NR3C1: variants seen among roughly 807,000 people sequenced by gnomAD.
NR3C1 encodes the protein glucocorticoid receptor.
In NR3C1, 14 loss-of-function variants were observed where a neutral mutation model predicts 74.0. The ratio of observed to expected loss-of-function variants is 0.19; its 90% CI spans 0.12 to 0.30. The LOEUF is 0.30. Among genes scored for constraint, NR3C1 ranks in the 10% least tolerant of loss-of-function variants. NR3C1 has a pLI of 1.00. For missense variants in NR3C1, 695 were observed against 909.8 expected, an observed-to-expected ratio of 0.76 and a Z score of 3.04; for synonymous variants, 308 against 332.5, an observed-to-expected ratio of 0.93 and a Z score of 0.80.
chr5:143,400,121 T>C lies in NR3C1; in HGVS notation c.719A>G (p.Asn240Ser), dbSNP rs1194008138. 1.2e-6 allele frequency: 2 copies of C among 1,614,192 alleles called. No homozygotes were observed. The highest frequency in any genetic ancestry group is 1.3e-5 in the African/African-American group (1 of 75,050). ...GEDDSFLLEG[N>S]SNEDCKPLIL... ...GAGAGGCTTGCAGTCCTCATTCGAG[T>C]TTCCTTCCAAAAGGAATGAATCGTC... is the stretch of plus-strand genomic sequence containing the variant. Residue 240 changes from asparagine to serine, a missense_variant, in exon 2 of 9, where the codon AAC (asparagine) becomes AGC (serine). Physicochemically the swap from Asn to Ser is conservative, Grantham distance 46. This residue lies in a region of NR3C1 where 497 missense variants were observed against 489.5 expected (regional missense o/e 1.02). Coordinates refer to ENST00000394464, the MANE Select transcript of NR3C1 (RefSeq NM_000176.3).
intron 4 of NR3C1, among the ~76,000 whole-genome samples, chr5:143,306,121 G>T (rs1819545619): frequency 6.6e-6 from 1 of 152,002 alleles, no homozygotes; most frequent in South Asian, 2.1e-4. Context: ...AAACATTTAG[G>T]ATCACCATTA....
chr5:143,424,296 G>T (rs1176612016), intron 1 of NR3C1, among the ~76,000 whole-genome samples: 1 of 152,092 alleles, frequency 6.6e-6, no homozygotes, highest in Admixed American at 6.6e-5. Context: ...AAGATCTAGT[G>T]TTCAGTAGAC....
At chr5:143,406,447 C>G (rs1841116746), upstream of NR3C1, among the ~76,000 whole-genome samples, 1 of 150,822 alleles carries the variant, frequency 6.6e-6, no homozygotes, top group Non-Finnish European at 1.5e-5. Context: ...CTCTCTTCAG[C>G]AATCTAAATG....
chr5:143,384,604 G>A (rs1364668763), intron 2 of NR3C1, among the ~76,000 whole-genome samples: 1 of 152,166 alleles, frequency 6.6e-6, no homozygotes, highest in Non-Finnish European at 1.5e-5. Flanking sequence ...AAACCTGCAG[G>A]ACAGTCATTA....
intron 3 of NR3C1, among the ~76,000 whole-genome samples, chr5:143,311,683 G>GTAC (rs1820966010): frequency 6.6e-6 from 1 of 151,312 alleles, no homozygotes; most frequent in African/African-American, 2.4e-5. Flanking sequence ...TTCTTGCTAC[G>GTAC]TTGCCTAGGC....
chr5:143,306,686 T>C (rs928952794), intron 4 of NR3C1, among the ~76,000 whole-genome samples: 1 of 152,082 alleles, frequency 6.6e-6, no homozygotes, highest in African/African-American at 2.4e-5. Context: ...CATGGCCCTA[T>C]TCAAAGGTGT....
chr5:143,290,178 G>A (rs1434731142), intron 7 of NR3C1, among the ~76,000 whole-genome samples: 1 of 152,176 alleles, frequency 6.6e-6, no homozygotes, highest in African/African-American at 2.4e-5. Context: ...ATTTTGCTTG[G>A]TAATAATGTA....
At chr5:143,365,220 A>T (rs1832974086) in intron 2 of NR3C1, among the ~76,000 whole-genome samples, 1 of 152,238 alleles carries the variant, frequency 6.6e-6, no homozygotes, top group Admixed American at 6.5e-5. Context: ...CCTCATCAAT[A>T]ATTACATTAA....
chr5:143,312,529 A>C (rs1221843259), intron 3 of NR3C1, among the ~76,000 whole-genome samples: 1 of 152,144 alleles, frequency 6.6e-6, no homozygotes, highest in South Asian at 2.1e-4. Flanking sequence ...AAAGTGCAAC[A>C]ACTTGCTGAT....
intron 2 of NR3C1, among the ~76,000 whole-genome samples, chr5:143,374,407 C>T (rs984805703): frequency 1.8e-4 from 28 of 151,712 alleles, no homozygotes; most frequent in African/African-American, 6.0e-4. Context: ...AGGAGAATGG[C>T]GTGAACCAGG....
chr5:143,284,839 T>G (rs1305406310), intron 7 of NR3C1, among the ~76,000 whole-genome samples: 1 of 152,122 alleles, frequency 6.6e-6, no homozygotes, highest in Non-Finnish European at 1.5e-5. Flanking sequence ...TCTAAACCTT[T>G]GTGCTTGAAA....
At chr5:143,293,735 A>AT in intron 7 of NR3C1, 1 of 371,356 alleles carries the variant, frequency 2.7e-6, no homozygotes, top group Non-Finnish European at 3.7e-6. Context: ...GTAGAAGTCT[A>AT]TATCTTAAGG....
intron 1 of NR3C1, among the ~76,000 whole-genome samples, chr5:143,420,642 T>C (rs546203805): frequency 1.3e-5 from 2 of 152,150 alleles, no homozygotes; most frequent in African/African-American, 2.4e-5. Context: ...GAGAATCTTA[T>C]TGGCATCTAG....
chr5:143,312,495 C>T (rs1468826227), intron 3 of NR3C1, among the ~76,000 whole-genome samples: 1 of 151,962 alleles, frequency 6.6e-6, no homozygotes, highest in Non-Finnish European at 1.5e-5. Flanking sequence ...AAAGCCCACC[C>T]CTGCCTAGTG....
chr5:143,400,540 A>T lies in NR3C1; in HGVS notation c.300T>A (p.Asn100Lys). The T allele has an allele frequency of 6.2e-7, 1 of 1,614,176 alleles. No individual in the cohort carries two copies. The highest frequency in any genetic ancestry group is 8.5e-7 in the Non-Finnish European group (1 of 1,180,028). ...MGETETKVMG[N>K]DLGFPQQGQI... ...GGCCCTGCTGTGGGAATCCCAGGTC[A>T]TTTCCCATCACTTTTGTTTCTGTCT... Residue 100 changes from asparagine to lysine, a missense_variant, in exon 2 of 9, where the codon AAT becomes AAA. Physicochemically the swap from Asn to Lys is moderately conservative, Grantham distance 94. This residue lies in a region of NR3C1 where 497 missense variants were observed against 489.5 expected (regional missense o/e 1.02). Transcript: ENST00000394464.
intron 4 of NR3C1, among the ~76,000 whole-genome samples, chr5:143,309,330 C>G (rs1054625346): frequency 2.0e-5 from 3 of 152,130 alleles, no homozygotes; most frequent in African/African-American, 7.2e-5. Context: ...CTTGGTCTCC[C>G]AAAGTGCGGG....
chr5:143,388,624 G>A lies in NR3C1; in HGVS notation c.1184+11032C>T, dbSNP rs560324848. ...GAAAGATTCTACTATTTCAGATAGAGCAGTCAGAGATCTCTTTTACAGAGC... is the reference window on the plus strand; with the variant it reads ...GAAAGATTCTACTATTTCAGATAGAACAGTCAGAGATCTCTTTTACAGAGC... On this transcript the variant is annotated intron_variant, in intron 2 of 8. Coordinates refer to ENST00000394464, the MANE Select transcript of NR3C1 (RefSeq NM_000176.3). Among the ~76,000 whole-genome samples the A allele has an allele frequency of 1.1e-4, 17 of 152,296 alleles. No homozygotes were observed. In the East Asian group the frequency reaches 2.1e-3, roughly 19 times the overall value.
intron 2 of NR3C1, among the ~76,000 whole-genome samples, chr5:143,358,023 T>G (rs1413358550): frequency 6.6e-6 from 1 of 152,234 alleles, no homozygotes; most frequent in Non-Finnish European, 1.5e-5. Flanking sequence ...CGATAGTTCT[T>G]TCATCTGAAA....
chr5:143,435,180 A>T, exon 1 of NR3C1: 4 of 985,234 alleles, frequency 4.1e-6, no homozygotes, highest in Non-Finnish European at 4.8e-6. Flanking sequence ...TGCCTTCACC[A>T]CTTTCCCTTT....
Sources: allele counts gnomAD v4.1 joint callset (sites outside exome capture counted in the v4.1 genomes callset), GRCh38; gene constraint gnomAD v4.1.1; regional missense constraint gnomAD v4.1.1; transcripts MANE v1.5; gene names NCBI Gene and HGNC (gene_info 2026-07-23, HGNC 2026-07-21).